The following SYN3 variants were observed in gnomAD, a reference collection of about 807,000 sequenced individuals.
SYN3 encodes synapsin III, also known as synapsin-3.
Under a neutral mutation model 65.8 loss-of-function variants are expected in SYN3, and 35 were observed. The ratio of observed to expected loss-of-function variants is 0.53; its 90% CI spans 0.41 to 0.70. The LOEUF is 0.70. SYN3 is among the 30% of genes least tolerant of loss of function. The probability of loss-of-function intolerance (pLI) is 0.00; values close to 1 mark genes in which losing one functional copy is unlikely to be tolerated. For synonymous variants in SYN3, 270 were observed against 292.9 expected (o/e 0.92, Z 0.80); for missense variants, 680 against 749.0 (o/e 0.91, Z 1.08).
At chr22:32,872,147 G>A (rs2048867048) in intron 4 of SYN3, among the ~76,000 whole-genome samples, 1 of 152,028 alleles carries the variant, frequency 6.6e-6, no homozygotes, top group East Asian at 1.9e-4. Flanking sequence ...TATTTCTCCT[G>A]TTTGTTTGAT....
At chr22:32,715,513 G>A (rs189405846) in intron 6 of SYN3, among the ~76,000 whole-genome samples, 4 of 152,300 alleles carry the variant, frequency 2.6e-5, no homozygotes, top group African/African-American at 7.2e-5. Flanking sequence ...GGGCGCGGTG[G>A]CTCACGCCTG....
At chr22:32,849,683 C>G (rs548985409) in intron 6 of SYN3, 1 of 766,212 alleles carries the variant, frequency 1.3e-6, no homozygotes, top group Admixed American at 2.0e-5. Context: ...GAGGGAGCTG[C>G]TAAGGCTGCA....
intron 2 of SYN3, among the ~76,000 whole-genome samples, chr22:32,991,019 C>T (rs565362127): frequency 6.6e-6 from 1 of 152,018 alleles, no homozygotes; most frequent in African/African-American, 2.4e-5. Flanking sequence ...CTTTGTCTCT[C>T]CTAAAAAAAA....
At chr22:33,017,051 T>C (rs1346926552) in intron 1 of SYN3, among the ~76,000 whole-genome samples, 1 of 152,234 alleles carries the variant, frequency 6.6e-6, no homozygotes, top group Admixed American at 6.5e-5. Context: ...GTCTTATATT[T>C]AAGTCTTTAA....
intron 4 of SYN3, among the ~76,000 whole-genome samples, chr22:32,873,301 G>A (rs1053098335): frequency 2.7e-5 from 4 of 146,966 alleles, no homozygotes; most frequent in African/African-American, 1.0e-4. Flanking sequence ...GTGAGTGAGT[G>A]AAATAATTGA....
rs201333190 is a variant in SYN3 at position 32,814,184 on chromosome 22, A to G, written c.711+50731T>C. Among the ~76,000 whole-genome samples, 74 of 10,594 alleles carry G rather than the reference A, an allele frequency of 7.0e-3. 1 individual carries two copies. Among genetic ancestry groups the G allele is most frequent in the African/African-American group, 0.028 (72 of 2,532 alleles). The allele number at this position is 10,594 out of a possible 152,430, so 7.0% of individuals were successfully genotyped here. A position where few individuals can be genotyped will look rare whatever the true frequency, so the allele number is the denominator to read the frequency against. On this transcript the variant is annotated intron_variant, in intron 6 of 13. Coordinates refer to ENST00000358763, the MANE Select transcript of SYN3 (RefSeq NM_003490.4). ...AGAGAGAGAAAGAGAAAGAAAGAAAAGAAAGAAAGAAAGAAAGAAAGAAAA... is the reference window on the plus strand; with the variant it reads ...AGAGAGAGAAAGAGAAAGAAAGAAAGGAAAGAAAGAAAGAAAGAAAGAAAA...
chr22:32,889,612 A>C lies in SYN3; in HGVS notation c.462-20487T>G, dbSNP rs1024456603. On this transcript the variant is annotated intron_variant, in intron 4 of 13. Coordinates refer to ENST00000358763, the MANE Select transcript of SYN3 (RefSeq NM_003490.4). ...CATATTTTCAGTATGTAAACAAATC[A>C]ACGCATATATTTGTAAATAAAATAG... is the stretch of plus-strand genomic sequence containing the variant. 3.3e-5 allele frequency among the ~76,000 whole-genome samples: 5 copies of C among 152,212 alleles called. No individual in the cohort carries two copies. The East Asian group carries it at 9.6e-4, about 29-fold the overall frequency.
At chr22:32,741,635 G>A (rs141038038) in intron 6 of SYN3, among the ~76,000 whole-genome samples, 6,100 of 152,012 alleles carry the variant, frequency 0.04, 424 homozygotes, top group African/African-American at 0.14. Flanking sequence ...GATTACATGC[G>A]TGAGCCATCG....
At chr22:32,930,258 C>T (rs1321834403) in intron 4 of SYN3, among the ~76,000 whole-genome samples, 1 of 152,112 alleles carries the variant, frequency 6.6e-6, no homozygotes, top group African/African-American at 2.4e-5. Context: ...CTTTCTCATG[C>T]TGTTCTCGTG....
At chr22:32,990,315 TC>T (rs1343005303) in intron 2 of SYN3, among the ~76,000 whole-genome samples, 1 of 150,990 alleles carries the variant, frequency 6.6e-6, no homozygotes, top group African/African-American at 2.4e-5. Context: ...CATCCATCCA[TC>T]CATCCATCCA....
intron 4 of SYN3, among the ~76,000 whole-genome samples, chr22:32,912,482 G>A (rs190059505): frequency 2.6e-3 from 400 of 152,230 alleles, no homozygotes; most frequent in Non-Finnish European, 4.5e-3. Context: ...TTGAGAGGTC[G>A]AGGTGGGAGG....
At chr22:32,809,834 C>A (rs1231818835) in intron 6 of SYN3, among the ~76,000 whole-genome samples, 1 of 152,172 alleles carries the variant, frequency 6.6e-6, no homozygotes, top group Non-Finnish European at 1.5e-5. Flanking sequence ...CTCCTGGCTT[C>A]TTTGGTATAT....
chr22:32,868,601 G>A (rs1231352671), intron 5 of SYN3, among the ~76,000 whole-genome samples: 1 of 151,552 alleles, frequency 6.6e-6, no homozygotes, highest in African/African-American at 2.4e-5. Flanking sequence ...ACAGACATGC[G>A]CCACCATGCC....
chr22:32,956,588 T>C (rs936472928), intron 3 of SYN3, among the ~76,000 whole-genome samples: 3 of 152,244 alleles, frequency 2.0e-5, no homozygotes, highest in Non-Finnish European at 4.4e-5. Context: ...TCAAGGCTCA[T>C]CTATATTGTA....
At chr22:32,546,902 C>T (rs1008822358) in intron 7 of SYN3, among the ~76,000 whole-genome samples, 7 of 150,526 alleles carry the variant, frequency 4.7e-5, no homozygotes, top group African/African-American at 1.7e-4. Flanking sequence ...CTCTTGCGTC[C>T]TTGCCTTCTC....
chr22:32,657,080 TGA>T (rs2146979913), intron 6 of SYN3, among the ~76,000 whole-genome samples: 1 of 152,222 alleles, frequency 6.6e-6, no homozygotes, highest in South Asian at 2.1e-4. Flanking sequence ...AGTCTCAGCC[TGA>T]GAGACTCTGC....
At chr22:32,691,381 G>C (rs2060659428) in intron 6 of SYN3, among the ~76,000 whole-genome samples, 1 of 152,180 alleles carries the variant, frequency 6.6e-6, no homozygotes, top group African/African-American at 2.4e-5. Flanking sequence ...CCCTTAGCAG[G>C]TGGATCTGGG....
chr22:32,925,329 A>G (rs906007247), intron 4 of SYN3, among the ~76,000 whole-genome samples: 1 of 152,210 alleles, frequency 6.6e-6, no homozygotes, highest in African/African-American at 2.4e-5. Context: ...CACCTTAATC[A>G]TCACATCTGC....
intron 6 of SYN3, among the ~76,000 whole-genome samples, chr22:32,760,479 G>A (rs1026587139): frequency 3.9e-5 from 6 of 152,230 alleles, no homozygotes; most frequent in African/African-American, 1.4e-4. Context: ...GTAATGTCAT[G>A]TGCCCAGGGT....
Sources: allele counts gnomAD v4.1 joint callset (sites outside exome capture counted in the v4.1 genomes callset), GRCh38; gene constraint gnomAD v4.1.1; transcripts MANE v1.5; gene names NCBI Gene and HGNC (gene_info 2026-07-23, HGNC 2026-07-21).